PTDSS2: variants seen among roughly 807,000 people sequenced by gnomAD.
The protein encoded by PTDSS2 is phosphatidylserine synthase 2.
PTDSS2 carries 41 observed loss-of-function variants against 64.7 expected under a neutral mutation model. The ratio of observed to expected loss-of-function variants is 0.63; its 90% CI spans 0.49 to 0.82. The LOEUF (loss-of-function observed/expected upper bound fraction) is 0.82, where lower values mean the gene tolerates loss of function less well. Ranked by LOEUF, PTDSS2 falls within the 40% of genes least tolerant of loss-of-function variation. The pLI, the probability that PTDSS2 is intolerant of heterozygous loss-of-function variation, is 0.00. For missense variants in PTDSS2, 485 were observed against 650.0 expected (o/e 0.75, Z 2.76); for synonymous variants, 297 against 277.8 (o/e 1.07, Z -0.69).
At chr11:467,673 C>T (rs1289045653) in intron 2 of PTDSS2, among the ~76,000 whole-genome samples, 2 of 152,248 alleles carry the variant, frequency 1.3e-5, no homozygotes, top group African/African-American at 4.8e-5. Flanking sequence ...GCGGAGGTTG[C>T]AGTGAGCCGA....
At position 487,411 on chromosome 11, in the gene PTDSS2, C is replaced by G; in HGVS notation, c.571-9C>G. On this transcript the variant is annotated splice_polypyrimidine_tract_variant and intron_variant, in intron 5 of 11. Coordinates refer to ENST00000308020, the MANE Select transcript of PTDSS2 (RefSeq NM_030783.3). ...CCCAGGGTCAAGGGTCATACCCTGT[C>G]GCCCACAGGACAAGTTGGATGGCTT... 6.2e-7 allele frequency: 1 copy of G among 1,613,676 alleles called. No individual in the cohort carries two copies. Among genetic ancestry groups the G allele is most frequent in the Non-Finnish European group, 8.5e-7 (1 of 1,179,732 alleles).
In PTDSS2 at chr11:479,143, A is replaced by C; in HGVS notation, c.426A>C (p.Ile142=). ...SVVYELFLIF[I]LFQTVQDGRQ... is the part of the protein sequence containing the mutation. The stretch of plus-strand genomic sequence containing the variant: ...TCTACGAGCTGTTTCTCATCTTTAT[A>C]CTCTTCCAGGTAAGCTGTTTTTCTG... Residue 142 remains isoleucine, a synonymous_variant, in exon 4 of 12, where the codon ATA becomes ATC. Transcript: ENST00000308020. The surrounding 1 kb of genome is among the most constrained non-coding windows in gnomAD (Gnocchi z 4.2). 6.2e-7 allele frequency: 1 copy of C among 1,613,598 alleles called. No individual in the cohort carries two copies. The highest frequency in any genetic ancestry group is 8.5e-7 in the Non-Finnish European group (1 of 1,179,698).
chr11:450,517 G>T lies in PTDSS2; in HGVS notation c.62G>T (p.Gly21Val). 8.1e-7 allele frequency: 1 copy of T among 1,239,878 alleles called. No individual in the cohort carries two copies. The highest frequency in any genetic ancestry group is 3.1e-4 in the Middle Eastern group (1 of 3,194). The allele number at this position is 1,239,878 out of a possible 1,614,324, so 76.8% of individuals were successfully genotyped here. ...GPRPESPVPAGRASLEEPPDG... is the reference protein window; with the variant it reads ...GPRPESPVPAVRASLEEPPDG... Reference sequence around the variant, plus strand: ...CGGCCCGAGTCCCCGGTGCCCGCGGGCAGGGCCTCGCTGGAGGAGCCGCCT... The same window carrying T: ...CGGCCCGAGTCCCCGGTGCCCGCGGTCAGGGCCTCGCTGGAGGAGCCGCCT... The change falls in exon 1 of 12, where the codon GGC becomes GTC. Residue 21 changes from glycine to valine, a missense_variant. Physicochemically the swap from Gly to Val is moderately radical, Grantham distance 109. This residue lies in a region of PTDSS2 where 251 missense variants were observed against 348.0 expected (regional missense o/e 0.72). Transcript: ENST00000308020.
intron 2 of PTDSS2, 122 bp from the exon 3 acceptor site, chr11:473,773 T>C (rs1023966171): frequency 2.5e-6 from 2 of 795,910 alleles, no homozygotes; most frequent in Non-Finnish European, 4.4e-6. Flanking sequence ...CCGAGGCCCC[T>C]TCCTCCCGCC....
chr11:490,523 G>T lies in PTDSS2; in HGVS notation c.1405G>T (p.Asp469Tyr). Residue 469 changes from aspartate (D) to tyrosine (Y), a missense_variant, in exon 12 of 12, where the codon GAC (aspartate) becomes TAC (tyrosine). Coordinates refer to ENST00000308020, the MANE Select transcript of PTDSS2 (RefSeq NM_030783.3). ...CGGGGACCAGCACCCACTGGGGCTG[G>T]ACGAAGACCTGCTGGGGCCTGGGGT... is the stretch of plus-strand genomic sequence containing the variant. ...GNGDQHPLGL[D>Y]EDLLGPGVAE... The T allele has an allele frequency of 6.2e-7, 1 of 1,612,838 alleles. No homozygotes were observed. The highest frequency in any genetic ancestry group is 8.5e-7 in the Non-Finnish European group (1 of 1,179,780).
chr11:478,934 T>C (rs1395341320), intron 3 of PTDSS2, 151 bp from the exon 4 acceptor site: 6 of 664,616 alleles, frequency 9.0e-6, no homozygotes, highest in Non-Finnish European at 1.4e-5. Flanking sequence ...TAATTCTGAG[T>C]TACAGCTTTC....
At chr11:485,962 C>T (rs1473098654) in intron 4 of PTDSS2, among the ~76,000 whole-genome samples, 3 of 129,060 alleles carry the variant, frequency 2.3e-5, no homozygotes, top group Admixed American at 1.5e-4. Context: ...AGTGCACGGG[C>T]GCGCGTGTGC....
At position 479,342 on chromosome 11, in the gene PTDSS2, A is replaced by G. The variant is rs1429413851; in HGVS notation, c.435+190A>G. On this transcript the variant is annotated intron_variant, in intron 4 of 11. Coordinates refer to ENST00000308020, the MANE Select transcript of PTDSS2 (RefSeq NM_030783.3). The surrounding 1 kb of genome is among the most constrained non-coding windows in gnomAD (Gnocchi z 4.2). Reference sequence around the variant, plus strand: ...GTGCGGCCCTTGAGTGATGGGGGGCAGCAAAGCTAGACCTTCAAAACGTAG... The same window carrying G: ...GTGCGGCCCTTGAGTGATGGGGGGCGGCAAAGCTAGACCTTCAAAACGTAG... 1 of 640,202 alleles carries G rather than the reference A, an allele frequency of 1.6e-6. No individual in the cohort carries two copies. 39.7% of individuals were successfully genotyped at this position (640,202 alleles called of 1,614,324 possible).
intron 4 of PTDSS2, among the ~76,000 whole-genome samples, chr11:480,871 A>C (rs1322055589): frequency 6.6e-6 from 1 of 152,184 alleles, no homozygotes; most frequent in East Asian, 1.9e-4. Flanking sequence ...TCACAAGGTC[A>C]GGAGATGGAG....
chr11:473,309 T>A (rs1260585907), intron 2 of PTDSS2, among the ~76,000 whole-genome samples: 2 of 152,214 alleles, frequency 1.3e-5, no homozygotes, highest in Non-Finnish European at 2.9e-5. Flanking sequence ...TGGTTTTGGA[T>A]GAGTTGACAC....
Position 479,946 on chromosome 11 carries a change from T to C in PTDSS2, c.435+794T>C, listed in dbSNP as rs1847993965. 6.6e-6 allele frequency among the ~76,000 whole-genome samples: 1 copy of C among 152,224 alleles called. No homozygotes were observed. The highest frequency in any genetic ancestry group is 2.4e-5 in the African/African-American group (1 of 41,460). ...GAGATTTTTTATCATCGTGGCAAAA[T>C]TGACTTTTCTGAGGCAGTGTACATT... is the stretch of plus-strand genomic sequence containing the variant. On this transcript the variant is annotated intron_variant, in intron 4 of 11. Coordinates refer to ENST00000308020, the MANE Select transcript of PTDSS2 (RefSeq NM_030783.3). The surrounding 1 kb of genome is among the most constrained non-coding windows in gnomAD (Gnocchi z 4.2).
chr11:481,020 CT>C (rs1387402370), intron 4 of PTDSS2, among the ~76,000 whole-genome samples: 1 of 151,110 alleles, frequency 6.6e-6, no homozygotes, highest in Non-Finnish European at 1.5e-5. Flanking sequence ...GGAGGCAGAG[CT>C]TGCAGTGAGC....
At chr11:468,004 C>A (rs1847219049) in intron 2 of PTDSS2, among the ~76,000 whole-genome samples, 1 of 149,720 alleles carries the variant, frequency 6.7e-6, no homozygotes, top group South Asian at 2.1e-4. Context: ...AGTGTCACAG[C>A]ACACACACAT....
At chr11:452,267 A>C (rs1461003166) in intron 1 of PTDSS2, among the ~76,000 whole-genome samples, 1 of 152,222 alleles carries the variant, frequency 6.6e-6, no homozygotes, top group Non-Finnish European at 1.5e-5. Flanking sequence ...TTACCGTTCT[A>C]CGGGACATAG....
chr11:450,201 C>A (rs1393051352), upstream of PTDSS2: 4 of 352,030 alleles, frequency 1.1e-5, no homozygotes, highest in Non-Finnish European at 2.0e-5. Context: ...CAGGCGTCAT[C>A]CTTCCCAGCA....
At chr11:483,713 T>C (rs913741047) in intron 4 of PTDSS2, among the ~76,000 whole-genome samples, 3 of 152,242 alleles carry the variant, frequency 2.0e-5, no homozygotes, top group African/African-American at 7.2e-5. Context: ...CTTGCTTTCC[T>C]AGCATTTTAT....
At chr11:484,821 CGT>C (rs1413222425) in intron 4 of PTDSS2, among the ~76,000 whole-genome samples, 4 of 63,352 alleles carry the variant, frequency 6.3e-5, no homozygotes, top group African/African-American at 2.6e-4. Context: ...GTGTGCTCAC[CGT>C]GTGCGCAGGC....
chr11:475,407 C>T (rs1847746453), intron 3 of PTDSS2, among the ~76,000 whole-genome samples: 1 of 63,948 alleles, frequency 1.6e-5, no homozygotes, highest in Non-Finnish European at 3.1e-5. Flanking sequence ...GTGATACAGA[C>T]ATATTCACGC....
chr11:455,220 T>C (rs1433952233), intron 1 of PTDSS2, among the ~76,000 whole-genome samples: 1 of 152,236 alleles, frequency 6.6e-6, no homozygotes. Context: ...GATGGGCTGT[T>C]GTCTCTTCCA....
Sources: gnomAD v4.1 joint callset for allele counts (sites outside exome capture counted in the v4.1 genomes callset) on GRCh38, gnomAD v4.1.1 for gene constraint, gnomAD v4.1.1 regional missense constraint, Gnocchi (gnomAD v3.1) non-coding constraint, MANE v1.5 for transcripts, NCBI Gene and HGNC (gene_info 2026-07-23, HGNC 2026-07-21) for gene names.